TMOD1: variants seen among roughly 807,000 people sequenced by gnomAD.
The protein encoded by TMOD1 is tropomodulin-1.
Under a neutral mutation model 40.6 loss-of-function variants are expected in TMOD1, and 17 were observed. The ratio of observed to expected loss-of-function variants is 0.42; its 90% CI spans 0.29 to 0.63. The LOEUF (loss-of-function observed/expected upper bound fraction) is 0.63. Among genes scored for constraint, TMOD1 ranks in the 20% least tolerant of loss-of-function variants. The pLI is 0.22. For missense variants in TMOD1, 391 were observed against 447.6 expected (o/e 0.87, Z 1.14); for synonymous variants, 181 against 175.0 (o/e 1.03, Z -0.27).
intron 8 of TMOD1, among the ~76,000 whole-genome samples, chr9:97,576,984 G>A (rs114111076): frequency 1.3e-3 from 192 of 152,204 alleles, no homozygotes; most frequent in African/African-American, 4.6e-3. Context: ...GGAATAAATC[G>A]GGTGAGGGAG....
At chr9:97,590,128 C>T (rs1320217074) in intron 8 of TMOD1, among the ~76,000 whole-genome samples, 1 of 151,874 alleles carries the variant, frequency 6.6e-6, no homozygotes, top group Non-Finnish European at 1.5e-5. Flanking sequence ...CAAGGATTTG[C>T]ACCATCATTT....
chr9:97,553,382 G>A lies in TMOD1; in HGVS notation c.379G>A (p.Glu127Lys), dbSNP rs1195293718. The change falls in exon 4 of 10, where the codon GAA (glutamate) becomes AAA (lysine). Residue 127 changes from glutamate to lysine, a missense_variant. Physicochemically the swap from Glu to Lys is moderately conservative, Grantham distance 56. Coordinates refer to ENST00000259365, the MANE Select transcript of TMOD1 (RefSeq NM_003275.4). ...EEALANASDA[E>K]LCDIAAILGM... ...AGCCTTGGCAAATGCTTCAGATGCA[G>A]AACTCTGTGACATTGCAGGTAAGAG... 6.2e-7 allele frequency: 1 copy of A among 1,614,126 alleles called. No individual in the cohort carries two copies. The highest frequency in any genetic ancestry group is 1.3e-5 in the African/African-American group (1 of 74,932).
At chr9:97,530,640 AC>A (rs1830082925) in intron 2 of TMOD1, among the ~76,000 whole-genome samples, 2 of 152,080 alleles carry the variant, frequency 1.3e-5, no homozygotes, top group South Asian at 4.2e-4. Context: ...GGCGCCCGCC[AC>A]CATGCCTGGC....
chr9:97,546,582 T>A (rs1830363282), intron 3 of TMOD1, among the ~76,000 whole-genome samples: 1 of 152,172 alleles, frequency 6.6e-6, no homozygotes, highest in East Asian at 1.9e-4. Flanking sequence ...AGCAAAACTT[T>A]TCCCTAAACC....
intron 1 of TMOD1, among the ~76,000 whole-genome samples, chr9:97,518,023 T>A (rs1829844395): frequency 6.6e-6 from 1 of 152,158 alleles, no homozygotes; most frequent in Admixed American, 6.5e-5. Context: ...TCATCCCCCA[T>A]CGCCTCAGCT....
At chr9:97,524,491 C>A (rs1311996727) in intron 2 of TMOD1, among the ~76,000 whole-genome samples, 183 bp downstream of exon 2, 1 of 105,976 alleles carries the variant, frequency 9.4e-6, no homozygotes, top group Admixed American at 9.2e-5. Flanking sequence ...AAGAGAGAAC[C>A]AATAGGGTGT....
At chr9:97,548,971 G>A (rs1830409239) in intron 3 of TMOD1, among the ~76,000 whole-genome samples, 1 of 152,160 alleles carries the variant, frequency 6.6e-6, no homozygotes, top group Admixed American at 6.5e-5. Context: ...CAGGCCTACA[G>A]TCAGCTTGGG....
At chr9:97,554,965 G>C (rs1366989859) in intron 4 of TMOD1, among the ~76,000 whole-genome samples, 2 of 152,118 alleles carry the variant, frequency 1.3e-5, no homozygotes, top group Admixed American at 1.3e-4. Context: ...CGGAAAGCCA[G>C]TGTGTAGATC....
intron 2 of TMOD1, among the ~76,000 whole-genome samples, chr9:97,543,243 T>G (rs1830304078): frequency 6.6e-6 from 1 of 152,268 alleles, no homozygotes; most frequent in African/African-American, 2.4e-5. Context: ...TCTGTAGGCC[T>G]TCCCTGTGGG....
intron 2 of TMOD1, among the ~76,000 whole-genome samples, chr9:97,530,919 C>G (rs909711941): frequency 6.7e-6 from 1 of 150,154 alleles, no homozygotes; most frequent in African/African-American, 2.5e-5. Flanking sequence ...TCCCAAGTAG[C>G]TGGACTTACA....
rs978978795 is a variant in TMOD1, at chr9:97,601,414, G to A, written c.*1716G>A. The A allele has an allele frequency of 9.6e-6, 10 of 1,037,572 alleles. No individual in the cohort carries two copies. The African/African-American group carries it at 1.0e-4, about 11-fold the overall frequency. 64.3% of individuals were successfully genotyped at this position (1,037,572 alleles called of 1,614,324 possible). On this transcript the variant is annotated 3_prime_UTR_variant, in exon 10 of 10. Coordinates refer to ENST00000259365, the MANE Select transcript of TMOD1 (RefSeq NM_003275.4). ...TAAAAACTGTGGCTCAAATGTCACC[G>A]AGCTTATATGAAGCTCCCAGAGAGA...
At chr9:97,563,991 G>A (rs772921768) in intron 5 of TMOD1, 47 bp from the exon 6 acceptor site, 4 of 1,585,078 alleles carry the variant, frequency 2.5e-6, no homozygotes, top group Admixed American at 3.5e-5. Context: ...GGCAGAAAGT[G>A]AGCCCCTTGT....
At chr9:97,528,047 CA>C (rs1830043995) in intron 2 of TMOD1, among the ~76,000 whole-genome samples, 2 of 152,234 alleles carry the variant, frequency 1.3e-5, no homozygotes. Flanking sequence ...CATTCTGTTT[CA>C]CCCCCAAACT....
At chr9:97,546,126 C>G (rs1273197500) in intron 2 of TMOD1, 59 bp from the exon 3 acceptor site, 1 of 1,536,550 alleles carries the variant, frequency 6.5e-7, no homozygotes, top group East Asian at 2.3e-5. Flanking sequence ...CAGCTGACCA[C>G]TCTCTCTTTC....
At chr9:97,539,277 G>A (rs748192255) in intron 2 of TMOD1, among the ~76,000 whole-genome samples, 1 of 152,124 alleles carries the variant, frequency 6.6e-6, no homozygotes, top group African/African-American at 2.4e-5. Context: ...ATACTCTCCT[G>A]GCCAGAGCCA....
intron 3 of TMOD1, 96 bp downstream of exon 3, chr9:97,546,437 A>C: frequency 7.5e-7 from 1 of 1,329,420 alleles, no homozygotes; most frequent in East Asian, 2.4e-5. Context: ...GTTGGGCCAA[A>C]TGTGACTGGG....
intron 9 of TMOD1, among the ~76,000 whole-genome samples, chr9:97,595,027 T>C (rs1485975493): frequency 1.3e-5 from 2 of 152,198 alleles, no homozygotes; most frequent in African/African-American, 2.4e-5. Flanking sequence ...TACAGTATTC[T>C]CAGGGAAGAC....
chr9:97,548,460 C>A (rs1310111036), intron 3 of TMOD1, among the ~76,000 whole-genome samples: 1 of 151,984 alleles, frequency 6.6e-6, no homozygotes, highest in Non-Finnish European at 1.5e-5. Context: ...GAGGGGGTGG[C>A]AGGAGAGAAG....
intron 8 of TMOD1, among the ~76,000 whole-genome samples, chr9:97,570,967 G>A (rs1385105724): frequency 1.3e-5 from 2 of 152,208 alleles, no homozygotes; most frequent in Non-Finnish European, 2.9e-5. Context: ...CTCGCATGCC[G>A]GTGGTCTTGC....
Sources: allele counts gnomAD v4.1 joint callset (sites outside exome capture counted in the v4.1 genomes callset), GRCh38; gene constraint gnomAD v4.1.1; transcripts MANE v1.5; gene names NCBI Gene and HGNC (gene_info 2026-07-23, HGNC 2026-07-21).